Variants in TMEM234 observed in about 807,000 individuals in gnomAD.
TMEM234 encodes transmembrane protein 234, also known as chromosome 1 open reading frame 91.
A neutral mutation model predicts 17.8 loss-of-function variants in TMEM234; 21 were observed. The ratio of observed to expected loss-of-function variants is 1.18; its 90% CI spans 0.84 to 1.70. The LOEUF (loss-of-function observed/expected upper bound fraction) is 1.70. TMEM234 is among the 40% of genes most tolerant of loss of function. The pLI is 0.00. For synonymous variants in TMEM234, 83 were observed against 73.5 expected (o/e 1.13, Z -0.66); for missense variants, 137 against 166.9 (o/e 0.82, Z 0.99).
chr1:32,222,105 C>T (rs1638976642), intron 1 of TMEM234, 87 bp from the exon 2 acceptor site: 2 of 1,503,230 alleles, frequency 1.3e-6, no homozygotes, highest in South Asian at 2.6e-5. Context: ...CCCAGCTAGC[C>T]GCCCCCACTT....
intron 3 of TMEM234, among the ~76,000 whole-genome samples, chr1:32,219,093 C>T (rs974200734): frequency 7.7e-6 from 1 of 129,964 alleles, no homozygotes; most frequent in African/African-American, 3.0e-5. Flanking sequence ...GCTTGGGCAA[C>T]AAGAGCGAAA....
At chr1:32,214,777 G>A, downstream of TMEM234, 2 of 1,613,718 alleles carry the variant, frequency 1.2e-6, no homozygotes, top group Non-Finnish European at 1.7e-6. Context: ...CAGGGTCCAA[G>A]CCCAGTGTCC....
At position 32,217,282 on chromosome 1, in the gene TMEM234, A is replaced by T. The variant is rs771447353; in HGVS notation, c.305T>A (p.Leu102His). The T allele has an allele frequency of 8.7e-6, 14 of 1,614,192 alleles. No individual in the cohort carries two copies. The highest frequency in any genetic ancestry group is 1.2e-5 in the Non-Finnish European group (14 of 1,180,034). The change falls in exon 4 of 5, where the codon CTT becomes CAT. Residue 102 changes from leucine (L) to histidine (H), a missense_variant. Coordinates refer to ENST00000309777, the MANE Select transcript of TMEM234 (RefSeq NM_019118.5). ...IIFTLIVGKALGEDIGGKRAV... is the reference protein window; with the variant it reads ...IIFTLIVGKAHGEDIGGKRAV... ...ACGTTTTCCACCAATATCTTCTCCA[A>T]GGGCCTTCCCAACAATCAGTGTGAA...
rs1638425930 is a variant in TMEM234, at chr1:32,216,822, G to A, written c.*31C>T. On this transcript the variant is annotated 3_prime_UTR_variant, in exon 5 of 5. Coordinates refer to ENST00000309777, the MANE Select transcript of TMEM234 (RefSeq NM_019118.5). Reference sequence around the variant, plus strand: ...CTTCATGGCCCAGGGGCTTCCTGGAGGCAGCAGAGCTGGAAGTGGGTTCGG... The same window carrying A: ...CTTCATGGCCCAGGGGCTTCCTGGAAGCAGCAGAGCTGGAAGTGGGTTCGG... The A allele has an allele frequency of 6.2e-7, 1 of 1,612,634 alleles. No homozygotes were observed. The highest frequency in any genetic ancestry group is 8.5e-7 in the Non-Finnish European group (1 of 1,179,458).
chr1:32,215,039 C>G, downstream of TMEM234: 1 of 1,346,754 alleles, frequency 7.4e-7, no homozygotes, highest in Non-Finnish European at 9.9e-7. Context: ...TGCTCAGACA[C>G]AAAGCCGGCA....
chr1:32,217,008 CAGGGCTGGAGGA>C, intron 4 of TMEM234, 61 bp from the exon 5 acceptor site: 1 of 1,610,790 alleles, frequency 6.2e-7, no homozygotes, highest in Non-Finnish European at 8.5e-7. Context: ...GGAGCTGGTA[CAGGGCTGGAGGA>C]AGGGCTCAGA....
chr1:32,221,269 C>A, intron 2 of TMEM234, 72 bp from the exon 3 acceptor site: 1 of 1,210,408 alleles, frequency 8.3e-7, no homozygotes, highest in Non-Finnish European at 1.2e-6. Flanking sequence ...GAGCTCCTAG[C>A]GAATGTCTTT....
chr1:32,216,421 GCT>G lies in TMEM234; in HGVS notation c.*430_*431del. ...GTTCCACCCCTCATTCAGCCAAAGCGCTCTGACTGAGTCCCAGAGGCCTCCCG... is the reference window on the plus strand; with the variant it reads ...GTTCCACCCCTCATTCAGCCAAAGCGCTGACTGAGTCCCAGAGGCCTCCCG... On this transcript the variant is annotated 3_prime_UTR_variant, in exon 5 of 5. Coordinates refer to ENST00000309777, the MANE Select transcript of TMEM234 (RefSeq NM_019118.5). 1 of 1,551,624 alleles carries G rather than the reference GCT, an allele frequency of 6.4e-7. No homozygotes were observed. Among genetic ancestry groups the G allele is most frequent in the Non-Finnish European group, 8.7e-7 (1 of 1,146,986 alleles).
intron 2 of TMEM234, 138 bp from the exon 3 acceptor site, chr1:32,221,335 G>T: frequency 1.5e-6 from 1 of 683,596 alleles, no homozygotes; most frequent in Non-Finnish European, 2.5e-6. Context: ...CTCTAAGGAG[G>T]ATCCTTCCAG....
downstream of TMEM234, chr1:32,215,325 TG>T: frequency 1.2e-6 from 1 of 837,224 alleles, no homozygotes; most frequent in Non-Finnish European, 1.8e-6. Flanking sequence ...TGGGAGGTGG[TG>T]GGGAATGCAG....
At chr1:32,214,623 A>T, downstream of TMEM234, 1 of 857,026 alleles carries the variant, frequency 1.2e-6, no homozygotes, top group Non-Finnish European at 1.8e-6. Context: ...TCCCTGGATA[A>T]GTCAGGCTGG....
At chr1:32,215,217 C>A (rs1638276590), downstream of TMEM234, 1 of 583,786 alleles carries the variant, frequency 1.7e-6, no homozygotes, top group Non-Finnish European at 2.9e-6. Flanking sequence ...AAAGAAGCAC[C>A]TGGAAAGGGC....
At chr1:32,215,034 A>G, downstream of TMEM234, 1 of 1,474,736 alleles carries the variant, frequency 6.8e-7, no homozygotes. Flanking sequence ...CAGAATGCTC[A>G]GACACAAAGC....
At chr1:32,215,232 C>A, downstream of TMEM234, 1 of 590,806 alleles carries the variant, frequency 1.7e-6, no homozygotes, top group Non-Finnish European at 2.9e-6. Context: ...AAGGGCAGTG[C>A]TTAAAGCGAT....
At chr1:32,214,707 G>A, downstream of TMEM234, 2 of 1,550,754 alleles carry the variant, frequency 1.3e-6, no homozygotes, top group Admixed American at 2.0e-5. Flanking sequence ...GTTCCTGCAG[G>A]CGTCAGGGGC....
At position 32,216,954 on chromosome 1, in the gene TMEM234, T is replaced by C. The variant is rs772412477; in HGVS notation, c.329-7A>G. Reference sequence around the variant, plus strand: ...ACCATGCCAGCAACTGCTCCTGGGATAATAGGCAGAAATCAGGAGGGTCTG... The same window carrying C: ...ACCATGCCAGCAACTGCTCCTGGGACAATAGGCAGAAATCAGGAGGGTCTG... On this transcript the variant is annotated splice_region_variant and splice_polypyrimidine_tract_variant and intron_variant, in intron 4 of 4. Transcript: ENST00000309777. The C allele has an allele frequency of 6.2e-7, 1 of 1,614,000 alleles. No individual in the cohort carries two copies. The highest frequency in any genetic ancestry group is 1.3e-5 in the African/African-American group (1 of 74,902).
chr1:32,222,055 C>G (rs984151157), intron 1 of TMEM234, 37 bp from the exon 2 acceptor site: 1 of 1,565,284 alleles, frequency 6.4e-7, no homozygotes, highest in Non-Finnish European at 8.7e-7. Flanking sequence ...GACCCCCACC[C>G]CAAACGGCCG....
intron 1 of TMEM234, 43 bp from the exon 2 acceptor site, chr1:32,222,061 G>C (rs1177905172): frequency 1.3e-6 from 2 of 1,553,210 alleles, no homozygotes; most frequent in African/African-American, 2.7e-5. Flanking sequence ...CACCCCAAAC[G>C]GCCGCCCACC....
In TMEM234 at chr1:32,216,577, A is replaced by G; in HGVS notation, c.*276T>C. The G allele has an allele frequency of 1.3e-6, 2 of 1,544,758 alleles. No homozygotes were observed. Among genetic ancestry groups the G allele is most frequent in the South Asian group, 2.4e-5 (2 of 83,964 alleles). On this transcript the variant is annotated 3_prime_UTR_variant, in exon 5 of 5. Coordinates refer to ENST00000309777, the MANE Select transcript of TMEM234 (RefSeq NM_019118.5). ...ATGGTGGCTGGGCTGGGAGCCTGAG[A>G]TGTTAGCAGGAAGAGAGCTGCTGGG... is the stretch of plus-strand genomic sequence containing the variant.
Sources: allele counts gnomAD v4.1 joint callset (sites outside exome capture counted in the v4.1 genomes callset), GRCh38; gene constraint gnomAD v4.1.1; transcripts MANE v1.5; gene names NCBI Gene and HGNC (gene_info 2026-07-23, HGNC 2026-07-21).